CCDC144A: variants seen among roughly 807,000 people sequenced by gnomAD.
The protein encoded by CCDC144A is coiled-coil domain-containing protein 144A.
In CCDC144A, 41 loss-of-function variants were observed where a neutral mutation model predicts 143.8. The observed-to-expected ratio is 0.29, with a 90% CI of 0.22 to 0.37. The LOEUF is 0.37. CCDC144A is among the 10% of genes least tolerant of loss of function. The probability of loss-of-function intolerance (pLI) is 1.00; values close to 1 mark genes in which losing one functional copy is unlikely to be tolerated. For synonymous variants in CCDC144A, 242 were observed against 517.9 expected (o/e 0.47, Z 7.23); for missense variants, 637 against 1,488.8 (o/e 0.43, Z 9.41).
chr17:16,679,416 C>G, the CCDC144A span, among the ~76,000 whole-genome samples: 1 of 151,532 alleles, frequency 6.6e-6, no homozygotes, highest in African/African-American at 2.4e-5. Context: ...TATAAAGGCA[C>G]AGGGTATATC....
chr17:16,746,228 T>C (rs1268417559), intron 12 of CCDC144A: 4 of 1,383,904 alleles, frequency 2.9e-6, no homozygotes, highest in Non-Finnish European at 3.9e-6. Context: ...TAATCCTTAC[T>C]TCTTTCTCTG....
intron 6 of CCDC144A, among the ~76,000 whole-genome samples, chr17:16,715,558 A>G (rs985496472): frequency 1.2e-4 from 19 of 152,278 alleles, no homozygotes; most frequent in African/African-American, 4.1e-4. Flanking sequence ...GTTCATTGGT[A>G]ATTTATAAAG....
chr17:16,675,989 C>T, the CCDC144A span, among the ~76,000 whole-genome samples: 1 of 151,816 alleles, frequency 6.6e-6, no homozygotes, highest in Non-Finnish European at 1.5e-5. Flanking sequence ...ACCTCGTGAT[C>T]CCCGCGCCTC....
At chr17:16,691,205 C>T (rs1197396677) in intron 1 of CCDC144A, among the ~76,000 whole-genome samples, 4 of 152,128 alleles carry the variant, frequency 2.6e-5, no homozygotes, top group African/African-American at 9.7e-5. Context: ...TCAGCCTAGA[C>T]TTAGCTAAGA....
At chr17:16,671,886 G>T in the CCDC144A span, among the ~76,000 whole-genome samples, 1 of 152,074 alleles carries the variant, frequency 6.6e-6, no homozygotes, top group Non-Finnish European at 1.5e-5. Context: ...TATTTTGACT[G>T]TACTTCTGCC....
rs1210697273 is a variant in CCDC144A, at chr17:16,711,136, G to GAAAAAAAAAAAAAAAAAAAAAAAAAA, written c.1579-521_1579-520insAAAAAAAAAAAAAAAAAAAAAAAAAA. On this transcript the variant is annotated intron_variant, in intron 5 of 16. Coordinates refer to ENST00000399273, the MANE Select transcript of CCDC144A (RefSeq NM_001382000.1). ...CTTTTTGATATCCCAGGATTCAAAT[G>GAAAAAAAAAAAAAAAAAAAAAAAAAA]AAAAAAAAAAAAAAAAAAAAAACAA... 7.8e-4 allele frequency among the ~76,000 whole-genome samples: 17 copies of GAAAAAAAAAAAAAAAAAAAAAAAAAA among 21,772 alleles called. 1 individual carries two copies. Among genetic ancestry groups the GAAAAAAAAAAAAAAAAAAAAAAAAAA allele is most frequent in the Non-Finnish European group, 1.0e-3 (12 of 11,572 alleles). 14.3% of individuals were successfully genotyped at this position (21,772 alleles called of 152,430 possible).
At chr17:16,766,375 T>C (rs1915595490) in intron 15 of CCDC144A, 1 of 152,284 alleles carries the variant, frequency 6.6e-6, no homozygotes. Flanking sequence ...GCCCAAGATA[T>C]TTTCCTTTCA....
intron 2 of CCDC144A, among the ~76,000 whole-genome samples, chr17:16,702,327 T>C (rs1440454523): frequency 6.6e-6 from 1 of 152,180 alleles, no homozygotes; most frequent in Non-Finnish European, 1.5e-5. Flanking sequence ...GGGAGTGATC[T>C]TTCCAATGGT....
intron 10 of CCDC144A, 115 bp from the exon 11 acceptor site, chr17:16,732,423 C>A: frequency 3.2e-6 from 2 of 615,652 alleles, no homozygotes; most frequent in South Asian, 4.1e-5. Flanking sequence ...GATAAAAGTT[C>A]TTGTGTTTTA....
At position 16,708,936 on chromosome 17, in the gene CCDC144A, C is replaced by T. The variant is rs752639923; in HGVS notation, c.879C>T (p.Leu293=). 51 of 1,611,268 alleles carry T rather than the reference C, an allele frequency of 3.2e-5. No individual in the cohort carries two copies. Among genetic ancestry groups the T allele is most frequent in the Non-Finnish European group, 4.0e-5 (47 of 1,179,584 alleles). Residue 293 remains leucine (L), a synonymous_variant, in exon 5 of 17, where the codon CTC becomes CTT. Coordinates refer to ENST00000399273, the MANE Select transcript of CCDC144A (RefSeq NM_001382000.1). ...TAGAGTGGAAAAACCAATTAAAACT[C>T]GTCATAAATGAGTTAAAGCAGAGGT... The part of the protein sequence containing the change: ...GKLEWKNQLK[L]VINELKQRFG...
At chr17:16,693,477 G>C (rs1484691538) in intron 2 of CCDC144A, among the ~76,000 whole-genome samples, 3 of 151,908 alleles carry the variant, frequency 2.0e-5, no homozygotes, top group Non-Finnish European at 4.4e-5. Context: ...CACCCCGCCC[G>C]GCTAATTTTT....
the CCDC144A span, among the ~76,000 whole-genome samples, chr17:16,674,815 A>G: frequency 6.6e-6 from 1 of 152,152 alleles, no homozygotes; most frequent in African/African-American, 2.4e-5. Context: ...TACTTGAATG[A>G]AATTATGAGT....
rs545026513 is a variant in CCDC144A, at chr17:16,720,501, A to G, written c.1750-16A>G. The stretch of plus-strand genomic sequence containing the variant: ...TCTTTCGAGGACATTTTGAAACAGT[A>G]TTATTTATCTTATAGGTCAAAAACC... On this transcript the variant is annotated splice_polypyrimidine_tract_variant and intron_variant, in intron 7 of 16. Coordinates refer to ENST00000399273, the MANE Select transcript of CCDC144A (RefSeq NM_001382000.1). The G allele has an allele frequency of 1.3e-5, 21 of 1,597,400 alleles. No individual in the cohort carries two copies. The South Asian group carries it at 1.3e-4, about 10-fold the overall frequency.
the CCDC144A span, among the ~76,000 whole-genome samples, chr17:16,672,008 T>C: frequency 5.7e-3 from 872 of 152,210 alleles, 11 homozygotes; most frequent in African/African-American, 0.02. Flanking sequence ...GCTGCTCCTG[T>C]CATAGCCTAG....
At chr17:16,685,613 C>T (rs8066942), upstream of CCDC144A, among the ~76,000 whole-genome samples, 2,278 of 152,154 alleles carry the variant, frequency 0.015, 48 homozygotes, top group African/African-American at 0.052. Context: ...GAACTCCTGA[C>T]CTCAGGTGAT....
At chr17:16,690,118 C>G (rs1016385848), upstream of CCDC144A, 5 of 272,806 alleles carry the variant, frequency 1.8e-5, no homozygotes, top group Non-Finnish European at 2.7e-5. Context: ...GCAGCGCCAC[C>G]TGCAGGCCAA....
intron 12 of CCDC144A, chr17:16,745,708 C>A: frequency 6.2e-7 from 1 of 1,614,084 alleles, no homozygotes; most frequent in South Asian, 1.1e-5. Context: ...CCGCCACACT[C>A]TCGCGCTCGG....
In CCDC144A at chr17:16,741,811, A is replaced by G. The variant is rs1046756898; in HGVS notation, c.3372+6168A>G. On this transcript the variant is annotated intron_variant, in intron 12 of 16. Coordinates refer to ENST00000399273, the MANE Select transcript of CCDC144A (RefSeq NM_001382000.1). ...TTATGGTATACACAGTGATATTTTGATATGTGTAAACAATGCATAATGGTC... is the reference window on the plus strand; with the variant it reads ...TTATGGTATACACAGTGATATTTTGGTATGTGTAAACAATGCATAATGGTC... Among the ~76,000 whole-genome samples, 10 of 152,250 alleles carry G rather than the reference A, an allele frequency of 6.6e-5. No individual in the cohort carries two copies. In the East Asian group the frequency reaches 1.5e-3, roughly 23 times the overall value.
At chr17:16,708,118 C>A (rs1912162466) in intron 4 of CCDC144A, among the ~76,000 whole-genome samples, 1 of 152,032 alleles carries the variant, frequency 6.6e-6, no homozygotes, top group Non-Finnish European at 1.5e-5. Flanking sequence ...AACTTTCTAA[C>A]TTTTTAGATG....
Sources: allele counts gnomAD v4.1 joint callset (sites outside exome capture counted in the v4.1 genomes callset), GRCh38; gene constraint gnomAD v4.1.1; transcripts MANE v1.5; gene names NCBI Gene and HGNC (gene_info 2026-07-23, HGNC 2026-07-21).